Variants in ATP13A1 observed in about 807,000 individuals in gnomAD.
The protein encoded by ATP13A1 is ATPase 13A1.
ATP13A1 carries 55 observed loss-of-function variants against 134.8 expected under a neutral mutation model. The ratio of observed to expected loss-of-function variants is 0.41; its 90% confidence interval spans 0.33 to 0.51. The LOEUF is 0.51. ATP13A1 is among the 20% of genes least tolerant of loss of function. The pLI is 0.29. For synonymous variants in ATP13A1, 775 were observed against 725.1 expected, an observed-to-expected ratio of 1.07 and a Z score of -1.10; for missense variants, 1,389 against 1,652.8, an observed-to-expected ratio of 0.84 and a Z score of 2.77.
In ATP13A1 at chr19:19,654,002, G is replaced by A. The variant is rs769982276; in HGVS notation, c.1956C>T (p.Ala652=). ...LGSTDLCYIA[A]VKGAPETLHS... ...GCAGAGTTTCGGGGGCCCCCTTCAC[G>A]GCCGCGATGTAGCAGAGGTCGGTGG... is the stretch of plus-strand genomic sequence containing the variant. The change falls in exon 14 of 26, where the codon GCC becomes GCT. Residue 652 remains alanine (A), a synonymous_variant. Coordinates refer to ENST00000357324, the MANE Select transcript of ATP13A1 (RefSeq NM_020410.3). 1.4e-5 allele frequency: 22 copies of A among 1,598,518 alleles called. No individual in the cohort carries two copies. The highest frequency in any genetic ancestry group is 1.1e-4 in the African/African-American group (8 of 74,692).
chr19:19,647,227 T>C lies in ATP13A1; in HGVS notation c.3007A>G (p.Ser1003Gly), dbSNP rs758039897. The C allele has an allele frequency of 6.2e-7, 1 of 1,613,946 alleles. No homozygotes were observed. The highest frequency in any genetic ancestry group is 1.3e-5 in the African/African-American group (1 of 75,056). ...LNALILAYSQ[S>G]VLYLEGVKFS... ...TTGACTCCCTCCAGGTAGAGGACGC[T>C]CTGGCTGTAGGCCAGGATGAGGGCA... The change falls in exon 22 of 26, where the codon AGC (serine) becomes GGC (glycine). Residue 1003 changes from serine (S) to glycine (G), a missense_variant. By Grantham distance (56) the Ser-to-Gly change is moderately conservative. Around this residue, in one of 4 missense-constraint regions of ATP13A1, gnomAD observed 228 missense variants for 321.0 expected, o/e 0.71. Transcript: ENST00000357324. This position sits in a 1 kb window ranked among gnomAD's most constrained non-coding sequence, Gnocchi z 4.8.
intron 1 of ATP13A1, among the ~76,000 whole-genome samples, chr19:19,662,631 C>T (rs1232886823): frequency 6.6e-6 from 1 of 152,216 alleles, no homozygotes; most frequent in Non-Finnish European, 1.5e-5. Flanking sequence ...ACCTTGCTTG[C>T]TGTTGTATCC....
chr19:19,646,264 A>G lies in ATP13A1; in HGVS notation c.3189T>C (p.Phe1063=). Residue 1063 remains phenylalanine, a synonymous_variant, in exon 23 of 26, where the codon TTT becomes TTC. Transcript: ENST00000357324. ...GGTAGACAAGGCTCAGGAAGTGCAC[A>G]AAGAACTGGAGCATGACGGTGAGGA... ...YTILTVMLQF[F]VHFLSLVYLY... 1 of 1,613,956 alleles carries G rather than the reference A, an allele frequency of 6.2e-7. No individual in the cohort carries two copies. Among genetic ancestry groups the G allele is most frequent in the Non-Finnish European group, 8.5e-7 (1 of 1,179,862 alleles).
rs547259404 is a variant in ATP13A1, at chr19:19,656,656, G to C, written c.1083+4C>G. On this transcript the variant is annotated splice_donor_region_variant and intron_variant, in intron 7 of 25. Coordinates refer to ENST00000357324, the MANE Select transcript of ATP13A1 (RefSeq NM_020410.3). The surrounding 1 kb of genome is among the most constrained non-coding windows in gnomAD (Gnocchi z 4.6). ...CTTGAGGATCCCCATCCTCCACCAA[G>C]TACCTTCATCTGTGGCACGGACTCC... 2.5e-6 allele frequency: 4 copies of C among 1,612,622 alleles called. No individual in the cohort carries two copies. Among genetic ancestry groups the C allele is most frequent in the Non-Finnish European group, 3.4e-6 (4 of 1,179,394 alleles).
At chr19:19,646,076 C>A (rs2061983511) in intron 23 of ATP13A1, 91 bp from the exon 24 acceptor site, 6 of 1,592,824 alleles carry the variant, frequency 3.8e-6, no homozygotes, top group Non-Finnish European at 5.1e-6. Flanking sequence ...AGAGCTAGGG[C>A]TCTGCCTGGC....
rs1394194768 is a variant in ATP13A1 at position 19,653,927 on chromosome 19, C to A, written c.1990-33G>T. On this transcript the variant is annotated intron_variant, in intron 14 of 25. Transcript: ENST00000357324. The surrounding 1 kb of genome is among the most constrained non-coding windows in gnomAD (Gnocchi z 4.2). The stretch of plus-strand genomic sequence containing the variant: ...GAATGCAGGGGGATGTCACGGGCTG[C>A]CCCGCGCCCCCACCCCTTGCCCCAG... The A allele has an allele frequency of 6.4e-7, 1 of 1,569,118 alleles. No homozygotes were observed. Among genetic ancestry groups the A allele is most frequent in the Non-Finnish European group, 8.6e-7 (1 of 1,157,832 alleles).
chr19:19,653,551 G>C lies in ATP13A1; in HGVS notation c.2100+233C>G, dbSNP rs1201772765. Among the ~76,000 whole-genome samples, 1 of 152,204 alleles carries C rather than the reference G, an allele frequency of 6.6e-6. No individual in the cohort carries two copies. Among genetic ancestry groups the C allele is most frequent in the Non-Finnish European group, 1.5e-5 (1 of 68,028 alleles). Reference sequence around the variant, plus strand: ...AAGAGTAGAGCTAGGGACACACCAGGACTGGGGCAGGTAAGCCCTGCGTGT... The same window carrying C: ...AAGAGTAGAGCTAGGGACACACCAGCACTGGGGCAGGTAAGCCCTGCGTGT... On this transcript the variant is annotated intron_variant, in intron 15 of 25. Coordinates refer to ENST00000357324, the MANE Select transcript of ATP13A1 (RefSeq NM_020410.3). The surrounding 1 kb of genome is among the most constrained non-coding windows in gnomAD (Gnocchi z 4.2).
At chr19:19,652,451 A>G in intron 16 of ATP13A1, 144 bp downstream of exon 16, 1 of 1,253,432 alleles carries the variant, frequency 8.0e-7, no homozygotes, top group African/African-American at 1.5e-5. Flanking sequence ...GCCAGTGGCA[A>G]TGTTAGCACC....
chr19:19,660,613 C>G (rs2062088695), intron 1 of ATP13A1: 1 of 152,242 alleles, frequency 6.6e-6, no homozygotes, highest in Middle Eastern at 3.4e-3. Flanking sequence ...ACGGTGAAAC[C>G]CCATCTCTAC....
In ATP13A1 at chr19:19,653,641, T is replaced by G. The variant is rs916258165; in HGVS notation, c.2100+143A>C. 12 of 764,504 alleles carry G rather than the reference T, an allele frequency of 1.6e-5. No homozygotes were observed. In the Admixed American group the frequency reaches 2.7e-4, roughly 17 times the overall value. 47.4% of individuals were successfully genotyped at this position (764,504 alleles called of 1,614,324 possible). ...TGGACAGACTGAGTGCCATTTGGAG[T>G]CTCCAAAGGTAGAAGCTGGAGGCGG... On this transcript the variant is annotated intron_variant, in intron 15 of 25. Coordinates refer to ENST00000357324, the MANE Select transcript of ATP13A1 (RefSeq NM_020410.3). This position sits in a 1 kb window ranked among gnomAD's most constrained non-coding sequence, Gnocchi z 4.2.
rs1007409359 is a variant in ATP13A1 at position 19,662,201 on chromosome 19, C to A, written c.396+1070G>T. ...TTGAGCGGTGCCACAGTCCCCTTAA[C>A]CCCTCCTTTATTTTGTCCCTCATTG... On this transcript the variant is annotated intron_variant, in intron 1 of 25. Transcript: ENST00000357324. 3.4e-5 allele frequency: 52 copies of A among 1,539,622 alleles called. 1 individual carries two copies. In the African/African-American group the frequency reaches 6.1e-4, roughly 18 times the overall value.
intron 17 of ATP13A1, 32 bp from the exon 18 acceptor site, chr19:19,649,972 G>T (rs1443022954): frequency 1.9e-6 from 3 of 1,546,302 alleles, no homozygotes; most frequent in Non-Finnish European, 2.6e-6. Context: ...AGGGCTGGGG[G>T]CTTGGCTGAC....
At chr19:19,652,448 G>T in intron 16 of ATP13A1, 147 bp downstream of exon 16, 1 of 1,222,282 alleles carries the variant, frequency 8.2e-7, no homozygotes, top group Non-Finnish European at 1.1e-6. Flanking sequence ...TGGGCCAGTG[G>T]CAATGTTAGC....
rs1404876686 is a variant in ATP13A1 at position 19,656,962 on chromosome 19, A to T, written c.906+32T>A. On this transcript the variant is annotated intron_variant, in intron 5 of 25. Coordinates refer to ENST00000357324, the MANE Select transcript of ATP13A1 (RefSeq NM_020410.3). This position sits in a 1 kb window ranked among gnomAD's most constrained non-coding sequence, Gnocchi z 4.6. ...AGCACAGAAGCCGCACCTGTGCTGC[A>T]CCCCCAACCTGGGTCTCCCTGGCAG... 1.2e-6 allele frequency: 2 copies of T among 1,604,506 alleles called. No homozygotes were observed. The highest frequency in any genetic ancestry group is 1.7e-6 in the Non-Finnish European group (2 of 1,175,856).
chr19:19,656,012 G>A lies in ATP13A1; in HGVS notation c.1213+42C>T. 6.2e-7 allele frequency: 1 copy of A among 1,612,796 alleles called. No individual in the cohort carries two copies. ...CATGATCAAGCAGACGGGCAAAGGGGGTGGAAGCCCAGATACCCCCAGACG... is the reference window on the plus strand; with the variant it reads ...CATGATCAAGCAGACGGGCAAAGGGAGTGGAAGCCCAGATACCCCCAGACG... On this transcript the variant is annotated intron_variant, in intron 8 of 25. Coordinates refer to ENST00000357324, the MANE Select transcript of ATP13A1 (RefSeq NM_020410.3). The surrounding 1 kb of genome is among the most constrained non-coding windows in gnomAD (Gnocchi z 4.6).
At position 19,656,940 on chromosome 19, in the gene ATP13A1, A is replaced by G. The variant is rs2062062671; in HGVS notation, c.907-24T>C. 6 of 1,605,032 alleles carry G rather than the reference A, an allele frequency of 3.7e-6. No individual in the cohort carries two copies. The highest frequency in any genetic ancestry group is 5.1e-6 in the Non-Finnish European group (6 of 1,176,384). ...ACCTGGGCGGGGCATGGGTGTCAGC[A>G]CAGAAGCCGCACCTGTGCTGCACCC... On this transcript the variant is annotated intron_variant, in intron 5 of 25. Coordinates refer to ENST00000357324, the MANE Select transcript of ATP13A1 (RefSeq NM_020410.3). The surrounding 1 kb of genome is among the most constrained non-coding windows in gnomAD (Gnocchi z 4.6).
At position 19,657,330 on chromosome 19, in the gene ATP13A1, C is replaced by T; in HGVS notation, c.750+6G>A. ...ATGGGGAGATGGGCCAGAGCTGCTG[C>T]TTTACCTGAAATACAAAGAAGGGGG... On this transcript the variant is annotated splice_donor_region_variant and intron_variant, in intron 4 of 25. Transcript: ENST00000357324. 1.3e-6 allele frequency: 2 copies of T among 1,567,274 alleles called. No homozygotes were observed. The highest frequency in any genetic ancestry group is 1.7e-6 in the Non-Finnish European group (2 of 1,155,556).
Position 19,647,462 on chromosome 19 carries a change from C to T in ATP13A1, c.2860G>A (p.Ala954Thr). ...ESTPIVKLGD[A>T]SIAAPFTSKL... is the part of the protein sequence containing the mutation. ...GAGGTGAAGGGTGCTGCGATGCTGG[C>T]ATCCCCCAGTTTCACAATGGGCGTA... The change falls in exon 21 of 26, where the codon GCC becomes ACC. Residue 954 changes from alanine to threonine, a missense_variant. Physicochemically the swap from Ala to Thr is moderately conservative, Grantham distance 58. Around this residue, in one of 4 missense-constraint regions of ATP13A1, gnomAD observed 121 missense variants for 104.9 expected, o/e 1.15. Transcript: ENST00000357324. This position sits in a 1 kb window ranked among gnomAD's most constrained non-coding sequence, Gnocchi z 4.8. 6.2e-7 allele frequency: 1 copy of T among 1,613,556 alleles called. No homozygotes were observed. The highest frequency in any genetic ancestry group is 8.5e-7 in the Non-Finnish European group (1 of 1,179,712).
At chr19:19,657,499 G>T in intron 3 of ATP13A1, 91 bp from the exon 4 acceptor site, 1 of 1,311,100 alleles carries the variant, frequency 7.6e-7, no homozygotes, top group Non-Finnish European at 1.0e-6. Context: ...AGCATGGCAG[G>T]CCGCTCTCAA....
Sources: gnomAD v4.1 joint callset for allele counts (sites outside exome capture counted in the v4.1 genomes callset) on GRCh38, gnomAD v4.1.1 for gene constraint, gnomAD v4.1.1 regional missense constraint, Gnocchi (gnomAD v3.1) non-coding constraint, MANE v1.5 for transcripts, NCBI Gene and HGNC (gene_info 2026-07-23, HGNC 2026-07-21) for gene names.